RYR2: variants seen among roughly 807,000 people sequenced by gnomAD.
The protein encoded by RYR2 is cardiac muscle ryanodine receptor-calcium release channel.
In RYR2, 227 loss-of-function variants were observed where a neutral mutation model predicts 601.1. The ratio of observed to expected loss-of-function variants is 0.38; its 90% confidence interval spans 0.34 to 0.42. The LOEUF (loss-of-function observed/expected upper bound fraction) is 0.42. Ranked by LOEUF, RYR2 falls within the 10% of genes least tolerant of loss-of-function variation. The pLI, the probability that RYR2 is intolerant of heterozygous loss-of-function variation, is 1.00. For missense variants in RYR2, 4,646 were observed against 6,156.5 expected, an observed-to-expected ratio of 0.75 and a Z score of 8.21; for synonymous variants, 2,223 against 2,175.1, an observed-to-expected ratio of 1.02 and a Z score of -0.61.
intron 1 of RYR2, among the ~76,000 whole-genome samples, chr1:237,154,151 T>C (rs1487162586): frequency 1.3e-5 from 2 of 152,222 alleles, no homozygotes; most frequent in East Asian, 1.9e-4. Context: ...TCAGGAGTTA[T>C]GGATGCGGAT....
chr1:237,534,472 A>C (rs1424878389), intron 25 of RYR2, among the ~76,000 whole-genome samples: 1 of 152,082 alleles, frequency 6.6e-6, no homozygotes, highest in Non-Finnish European at 1.5e-5. Flanking sequence ...AAAGCTTGAC[A>C]TATATAGAGT....
intron 14 of RYR2, among the ~76,000 whole-genome samples, chr1:237,450,538 A>G (rs1465359818): frequency 8.4e-6 from 1 of 118,434 alleles, no homozygotes; most frequent in Non-Finnish European, 2.0e-5. Context: ...TCCCCATTAT[A>G]CTTTGTTTTT....
rs184725501 is a variant in RYR2 at position 237,579,816 on chromosome 1, A to G, written c.3599-9977A>G. Among the ~76,000 whole-genome samples, 20 of 152,294 alleles carry G rather than the reference A, an allele frequency of 1.3e-4. No individual in the cohort carries two copies. In the East Asian group the frequency reaches 3.9e-3, roughly 29 times the overall value. On this transcript the variant is annotated intron_variant, in intron 29 of 104. Transcript: ENST00000366574. ...AGCTTGTTCTTAACTATCACATAGT[A>G]TAAACTCCAGATTCCCTTACAGAAT... is the stretch of plus-strand genomic sequence containing the variant.
intron 2 of RYR2, among the ~76,000 whole-genome samples, chr1:237,310,582 C>T (rs1386468614): frequency 6.6e-6 from 1 of 152,148 alleles, no homozygotes; most frequent in Admixed American, 6.5e-5. Flanking sequence ...CTCCAGCCCA[C>T]TTTACCCCTT....
chr1:237,312,376 T>C lies in RYR2; in HGVS notation c.169-18502T>C, dbSNP rs920040095. On this transcript the variant is annotated intron_variant, in intron 2 of 104. Transcript: ENST00000366574. ...ATAATGAGATGTGCAATGACTTTAC[T>C]GTGGACTGTCTTCTTGTAATCTTGT... Among the ~76,000 whole-genome samples, 3 of 152,338 alleles carry C rather than the reference T, an allele frequency of 2.0e-5. No individual in the cohort carries two copies. In the South Asian group the frequency reaches 6.2e-4, roughly 32 times the overall value.
In RYR2 at chr1:237,192,399, T is replaced by G. The variant is rs187009410; in HGVS notation, c.49-78098T>G. On this transcript the variant is annotated intron_variant, in intron 1 of 104. Transcript: ENST00000366574. The stretch of plus-strand genomic sequence containing the variant: ...TAATTTTTTTTTTGTATTTTTAGTA[T>G]AGACGGGGTTTCACCATGTTGGCCA... Among the ~76,000 whole-genome samples, 1,306 of 151,976 alleles carry G rather than the reference T, an allele frequency of 8.6e-3. 13 individuals carry two copies. Among genetic ancestry groups the G allele is most frequent in the South Asian group, 0.031 (148 of 4,814 alleles).
intron 22 of RYR2, among the ~76,000 whole-genome samples, chr1:237,504,457 C>T (rs192959134): frequency 1.9e-4 from 29 of 152,252 alleles, no homozygotes; most frequent in African/African-American, 7.0e-4. Flanking sequence ...GGGGCAGAAA[C>T]AAATCACAAT....
At chr1:237,540,477 C>T (rs948138783) in intron 25 of RYR2, among the ~76,000 whole-genome samples, 13 of 152,076 alleles carry the variant, frequency 8.5e-5, no homozygotes, top group African/African-American at 2.4e-4. Flanking sequence ...GAGGCCGAGG[C>T]GGTCAGATCA....
chr1:237,761,714 A>G (rs570706859), intron 84 of RYR2, among the ~76,000 whole-genome samples: 16 of 152,318 alleles, frequency 1.1e-4, no homozygotes, highest in African/African-American at 3.6e-4. Context: ...GTATTTATTA[A>G]GAAAAAAATC....
chr1:237,678,373 TTTATC>T (rs1237010256), intron 61 of RYR2, among the ~76,000 whole-genome samples: 1 of 152,232 alleles, frequency 6.6e-6, no homozygotes, highest in Non-Finnish European at 1.5e-5. Flanking sequence ...TTTTTTTTGT[TTTATC>T]ATATGATATG....
chr1:237,436,309 C>G (rs12754712), intron 12 of RYR2, among the ~76,000 whole-genome samples: 76,376 of 151,518 alleles, frequency 0.5, 21,321 homozygotes, highest in East Asian at 0.71. Flanking sequence ...TATTTAGGCA[C>G]TGTGACCTTA....
At chr1:237,516,564 A>G (rs1473479163) in intron 24 of RYR2, among the ~76,000 whole-genome samples, 1 of 152,104 alleles carries the variant, frequency 6.6e-6, no homozygotes, top group African/African-American at 2.4e-5. Flanking sequence ...CCAAATATCC[A>G]TCTCTACCCC....
At chr1:237,567,404 T>C (rs1572903112) in intron 28 of RYR2, among the ~76,000 whole-genome samples, 1 of 112,034 alleles carries the variant, frequency 8.9e-6, no homozygotes, top group Middle Eastern at 5.1e-3. Context: ...CAAAGTAAGA[T>C]CCTGTCTCTA....
At chr1:237,739,129 C>G (rs1009794103) in intron 79 of RYR2, among the ~76,000 whole-genome samples, 1 of 152,216 alleles carries the variant, frequency 6.6e-6, no homozygotes, top group African/African-American at 2.4e-5. Context: ...TGCACGTCCT[C>G]TCTATTATGA....
chr1:237,545,278 C>T (rs566747198), intron 25 of RYR2, among the ~76,000 whole-genome samples: 1 of 152,334 alleles, frequency 6.6e-6, no homozygotes, highest in Admixed American at 6.5e-5. Flanking sequence ...ATTAGCATAA[C>T]TTGTCTATAA....
intron 1 of RYR2, among the ~76,000 whole-genome samples, chr1:237,095,345 G>A (rs1392214278): frequency 1.3e-5 from 2 of 152,132 alleles, no homozygotes; most frequent in African/African-American, 2.4e-5. Context: ...AATGGTAGAG[G>A]GTTTCATGGC....
intron 29 of RYR2, among the ~76,000 whole-genome samples, chr1:237,573,346 C>T (rs1021349630): frequency 1.3e-5 from 2 of 151,582 alleles, no homozygotes; most frequent in Admixed American, 1.3e-4. Flanking sequence ...GACAACATGG[C>T]CAAGTATATT....
intron 43 of RYR2, among the ~76,000 whole-genome samples, 156 bp downstream of exon 43, chr1:237,633,866 G>A (rs963465324): frequency 2.0e-5 from 3 of 152,104 alleles, no homozygotes; most frequent in Non-Finnish European, 4.4e-5. Flanking sequence ...AAAAATACTC[G>A]ACATCACTCA....
At chr1:237,788,670 C>T (rs902125050) in intron 92 of RYR2, among the ~76,000 whole-genome samples, 3 of 152,094 alleles carry the variant, frequency 2.0e-5, no homozygotes, top group Non-Finnish European at 4.4e-5. Flanking sequence ...GAGCCACTTT[C>T]CATTGATAAT....
Sources: allele counts gnomAD v4.1 joint callset (sites outside exome capture counted in the v4.1 genomes callset), GRCh38; gene constraint gnomAD v4.1.1; transcripts MANE v1.5; gene names NCBI Gene and HGNC (gene_info 2026-07-23, HGNC 2026-07-21).